Variants in PEPD observed in about 807,000 individuals in gnomAD.
The protein encoded by PEPD is xaa-Pro dipeptidase.
A neutral mutation model predicts 60.7 loss-of-function variants in PEPD; 53 were observed. The observed-to-expected ratio is 0.87, with a 90% CI of 0.70 to 1.10. The LOEUF is 1.10. Among genes scored for constraint, PEPD ranks in the 50% least tolerant of loss-of-function variants. The pLI is 0.00. For synonymous variants in PEPD, 267 were observed against 284.1 expected, an observed-to-expected ratio of 0.94 and a Z score of 0.60; for missense variants, 711 against 711.9, an observed-to-expected ratio of 1.00 and a Z score of 0.01.
At chr19:33,426,499 C>G (rs879060706) in intron 9 of PEPD, among the ~76,000 whole-genome samples, 2 of 152,240 alleles carry the variant, frequency 1.3e-5, no homozygotes, top group South Asian at 2.1e-4. Context: ...GCAACTCACT[C>G]AGTTCATCCT....
intron 6 of PEPD, among the ~76,000 whole-genome samples, chr19:33,484,980 C>T (rs957844277): frequency 3.3e-5 from 5 of 152,172 alleles, no homozygotes; most frequent in African/African-American, 1.2e-4. Context: ...TGAGGGTAGG[C>T]GTGCCCTGGA....
chr19:33,445,449 C>T (rs942832718), intron 9 of PEPD, among the ~76,000 whole-genome samples: 5 of 152,194 alleles, frequency 3.3e-5, no homozygotes. Flanking sequence ...TAGGGCAGGC[C>T]TAATCCACTC....
chr19:33,441,215 C>G (rs76359745), intron 9 of PEPD, among the ~76,000 whole-genome samples: 1,688 of 152,304 alleles, frequency 0.011, 25 homozygotes, highest in South Asian at 0.07. Flanking sequence ...TCCAAGGCCT[C>G]CTGAGATGGC....
chr19:33,437,791 G>A (rs1265672151), intron 9 of PEPD, among the ~76,000 whole-genome samples: 1 of 152,134 alleles, frequency 6.6e-6, no homozygotes, highest in Non-Finnish European at 1.5e-5. Flanking sequence ...AATGCCTCAG[G>A]CAGTGATTTC....
Position 33,411,782 on chromosome 19 carries a change from C to T in PEPD, c.741-33G>A, listed in dbSNP as rs773743753. On this transcript the variant is annotated intron_variant, in intron 10 of 14. Coordinates refer to ENST00000244137, the MANE Select transcript of PEPD (RefSeq NM_000285.4). Reference sequence around the variant, plus strand: ...GAGCCGGGGGAGGGTGATCAAAGCCCATTCTTCTGCAGCAGGCTCTGAAGG... The same window carrying T: ...GAGCCGGGGGAGGGTGATCAAAGCCTATTCTTCTGCAGCAGGCTCTGAAGG... 2.3e-5 allele frequency: 31 copies of T among 1,326,440 alleles called. 2 individuals carry two copies. The South Asian group carries it at 3.3e-4, about 14-fold the overall frequency. The allele number at this position is 1,326,440 out of a possible 1,614,324, so 82.2% of individuals were successfully genotyped here. A position where few individuals can be genotyped will look rare whatever the true frequency, so the allele number is the denominator to read the frequency against.
chr19:33,429,161 G>C (rs75885164), intron 9 of PEPD, among the ~76,000 whole-genome samples: 1,910 of 152,282 alleles, frequency 0.013, 47 homozygotes, highest in African/African-American at 0.044. Flanking sequence ...AGGGGGCAGA[G>C]TTGGGCAGTG....
intron 11 of PEPD, among the ~76,000 whole-genome samples, chr19:33,407,875 C>T (rs1968669682): frequency 6.6e-6 from 1 of 152,212 alleles, no homozygotes; most frequent in East Asian, 1.9e-4. Flanking sequence ...GTCCCTCACC[C>T]CTGCGTGCAT....
chr19:33,512,737 C>T lies in PEPD; in HGVS notation c.57G>A (p.Pro19=), dbSNP rs759161136. 133 of 1,614,022 alleles carry T rather than the reference C, an allele frequency of 8.2e-5. No individual in the cohort carries two copies. Among genetic ancestry groups the T allele is most frequent in the Non-Finnish European group, 1.0e-4 (120 of 1,180,012 alleles). ...FWLGNETLKV[P]LALFALNRQR... ...GCCGGTTCAAGGCAAAGAGCGCCAGCGGCACCTTCAGGGTTTCATTCCCCA... is the reference window on the plus strand; with the variant it reads ...GCCGGTTCAAGGCAAAGAGCGCCAGTGGCACCTTCAGGGTTTCATTCCCCA... The change falls in exon 2 of 15, where the codon CCG becomes CCA. Residue 19 remains proline, a synonymous_variant. Transcript: ENST00000244137.
intron 1 of PEPD, among the ~76,000 whole-genome samples, chr19:33,515,323 C>A (rs1295319728): frequency 6.6e-6 from 1 of 152,132 alleles, no homozygotes; most frequent in African/African-American, 2.4e-5. Flanking sequence ...TAGAGCCCCG[C>A]CCGCTCCCCC....
chr19:33,517,610 C>T (rs114300187), intron 1 of PEPD, among the ~76,000 whole-genome samples: 5,637 of 151,894 alleles, frequency 0.037, 239 homozygotes, highest in African/African-American at 0.098. Flanking sequence ...GAGAATGGTA[C>T]GTAGGTTTCA....
intron 7 of PEPD, 81 bp downstream of exon 7, chr19:33,477,965 G>T (rs1167547264): frequency 6.6e-6 from 6 of 915,318 alleles, no homozygotes; most frequent in Non-Finnish European, 1.1e-5. Context: ...CTCTGAGACG[G>T]TGTGGGCAGG....
At chr19:33,517,462 G>C (rs1971043255) in intron 1 of PEPD, among the ~76,000 whole-genome samples, 1 of 151,950 alleles carries the variant, frequency 6.6e-6, no homozygotes, top group South Asian at 2.1e-4. Flanking sequence ...GGGAGGCTGA[G>C]GCAGGAAAAT....
At chr19:33,471,218 T>A (rs1970114003) in intron 7 of PEPD, among the ~76,000 whole-genome samples, 1 of 152,130 alleles carries the variant, frequency 6.6e-6, no homozygotes, top group African/African-American at 2.4e-5. Context: ...CCCAATTGAA[T>A]CTATGCTTAA....
chr19:33,520,733 AC>A (rs1971115837), intron 1 of PEPD, among the ~76,000 whole-genome samples: 1 of 152,006 alleles, frequency 6.6e-6, no homozygotes, highest in South Asian at 2.1e-4. Context: ...CCCCATTCTG[AC>A]CTCAGTTTCC....
chr19:33,519,791 C>A (rs1280138411), intron 1 of PEPD, among the ~76,000 whole-genome samples: 1 of 152,136 alleles, frequency 6.6e-6, no homozygotes. Flanking sequence ...TGGGGCCAGG[C>A]GTGGTGGCTC....
chr19:33,391,895 G>C (rs988631415), intron 12 of PEPD, among the ~76,000 whole-genome samples: 14 of 152,226 alleles, frequency 9.2e-5, no homozygotes, highest in African/African-American at 3.4e-4. Context: ...AGGAGACTCT[G>C]TGGGCTCTGG....
chr19:33,441,155 G>A (rs75946187), intron 9 of PEPD, among the ~76,000 whole-genome samples: 3 of 152,346 alleles, frequency 2.0e-5, no homozygotes, highest in South Asian at 2.1e-4. Context: ...AAGGGATGAT[G>A]AGCCTGGTTC....
chr19:33,507,097 C>A (rs112889011), intron 3 of PEPD, among the ~76,000 whole-genome samples: 1 of 152,118 alleles, frequency 6.6e-6, no homozygotes, highest in Non-Finnish European at 1.5e-5. Flanking sequence ...TCCCACCATA[C>A]CCGCATCCAT....
chr19:33,502,359 T>C (rs770021820), intron 3 of PEPD, among the ~76,000 whole-genome samples: 7 of 152,150 alleles, frequency 4.6e-5, no homozygotes, highest in Non-Finnish European at 7.4e-5. Flanking sequence ...TTCTGGATGG[T>C]GTTTCCTGGG....
Sources: gnomAD v4.1 joint callset for allele counts (sites outside exome capture counted in the v4.1 genomes callset) on GRCh38, gnomAD v4.1.1 for gene constraint, MANE v1.5 for transcripts, NCBI Gene and HGNC (gene_info 2026-07-23, HGNC 2026-07-21) for gene names.